RGL1: variants seen among roughly 807,000 people sequenced by gnomAD.
RGL1 encodes the protein ral guanine nucleotide dissociation stimulator-like 1.
RGL1 carries 24 observed loss-of-function variants against 95.2 expected under a neutral mutation model. The observed-to-expected ratio is 0.25, with a 90% CI of 0.18 to 0.35. RGL1 has a LOEUF of 0.35. Ranked by LOEUF, RGL1 falls within the 10% of genes least tolerant of loss-of-function variation. The pLI, the probability that RGL1 is intolerant of heterozygous loss-of-function variation, is 1.00. For missense variants in RGL1, 715 were observed against 936.3 expected (o/e 0.76, Z 3.08); for synonymous variants, 329 against 344.9 (o/e 0.95, Z 0.51).
chr1:183,727,951 A>G (rs779984702), intron 1 of RGL1, among the ~76,000 whole-genome samples: 92 of 152,174 alleles, frequency 6.0e-4, no homozygotes, highest in Admixed American at 2.0e-3. Flanking sequence ...GGGTATGTCT[A>G]TGAAAGTATT....
intron 14 of RGL1, among the ~76,000 whole-genome samples, chr1:183,907,389 C>T (rs1286343003): frequency 7.3e-6 from 1 of 137,320 alleles, no homozygotes; most frequent in Non-Finnish European, 1.6e-5. Context: ...CACTAAATAG[C>T]TAGGTTGTCT....
At chr1:183,902,516 T>A (rs1572578484) in intron 11 of RGL1, 52 bp from the exon 12 acceptor site, 1 of 1,506,292 alleles carries the variant, frequency 6.6e-7, no homozygotes, top group Admixed American at 1.9e-5. Flanking sequence ...AACATATGGC[T>A]GTGTTTTAAA....
At chr1:183,865,100 A>T (rs1404077490) in intron 3 of RGL1, among the ~76,000 whole-genome samples, 1 of 152,246 alleles carries the variant, frequency 6.6e-6, no homozygotes, top group African/African-American at 2.4e-5. Flanking sequence ...TAGTCTAGGC[A>T]TTATAAGTTA....
At chr1:183,701,477 A>G (rs1376806484) in intron 1 of RGL1, among the ~76,000 whole-genome samples, 1 of 152,184 alleles carries the variant, frequency 6.6e-6, no homozygotes, top group Non-Finnish European at 1.5e-5. Context: ...TGGTCTATCA[A>G]GAAAGGCTTG....
At chr1:183,674,657 C>T (rs574517956) in intron 1 of RGL1, among the ~76,000 whole-genome samples, 1 of 152,310 alleles carries the variant, frequency 6.6e-6, no homozygotes, top group East Asian at 1.9e-4. Context: ...GGTCTTCTGC[C>T]AGTGGAGTTA....
chr1:183,888,302 C>T (rs188599359), intron 7 of RGL1, among the ~76,000 whole-genome samples, 172 bp from the exon 8 acceptor site: 25 of 152,268 alleles, frequency 1.6e-4, no homozygotes, highest in Admixed American at 1.6e-3. Flanking sequence ...TAAAGTGTTT[C>T]GATGACTGGG....
chr1:183,872,116 A>G (rs1666216992), intron 4 of RGL1, among the ~76,000 whole-genome samples: 1 of 152,200 alleles, frequency 6.6e-6, no homozygotes, highest in Non-Finnish European at 1.5e-5. Flanking sequence ...TCCTGCTGAC[A>G]TTTTTACACG....
At chr1:183,861,089 A>T (rs942717087) in intron 3 of RGL1, among the ~76,000 whole-genome samples, 8 of 152,306 alleles carry the variant, frequency 5.3e-5, no homozygotes, top group African/African-American at 1.9e-4. Flanking sequence ...GTAGAATAGG[A>T]ATAAAAATAA....
At chr1:183,655,701 C>T (rs1651107358) in intron 1 of RGL1, among the ~76,000 whole-genome samples, 1 of 152,184 alleles carries the variant, frequency 6.6e-6, no homozygotes, top group South Asian at 2.1e-4. Flanking sequence ...AGAGAGCTTT[C>T]TGTAGGGCCA....
chr1:183,666,101 G>A (rs192564379), intron 1 of RGL1, among the ~76,000 whole-genome samples: 2 of 151,096 alleles, frequency 1.3e-5, no homozygotes, highest in African/African-American at 4.9e-5. Flanking sequence ...TGCCTCCTGG[G>A]TTCAAGTGAT....
At chr1:183,831,522 A>G (rs545033648) in intron 2 of RGL1, among the ~76,000 whole-genome samples, 18 of 152,336 alleles carry the variant, frequency 1.2e-4, no homozygotes, top group Non-Finnish European at 7.3e-5. Context: ...TTAAAAGATC[A>G]CCATGGATGC....
chr1:183,835,498 C>A (rs1480214114), intron 2 of RGL1, among the ~76,000 whole-genome samples: 1 of 152,196 alleles, frequency 6.6e-6, no homozygotes, highest in African/African-American at 2.4e-5. Context: ...CTTCTCCTGG[C>A]TTTCCTTGAG....
rs539754436 is a variant in RGL1, at chr1:183,832,208, T to C, written c.139-15358T>C. 1.3e-3 allele frequency among the ~76,000 whole-genome samples: 204 copies of C among 152,134 alleles called. 1 individual carries two copies. Among genetic ancestry groups the C allele is most frequent in the Admixed American group, 1.8e-3 (27 of 15,264 alleles). On this transcript the variant is annotated intron_variant, in intron 2 of 17. Coordinates refer to ENST00000360851, the MANE Select transcript of RGL1 (RefSeq NM_001297671.3). ...GAGGAATGAGAATGAAGTGGGACGA[T>C]ATAGGAGATGGAAGAGGTTGGATTT...
chr1:183,868,061 T>G (rs115407138), intron 4 of RGL1, among the ~76,000 whole-genome samples: 1 of 152,208 alleles, frequency 6.6e-6, no homozygotes, highest in Admixed American at 6.5e-5. Context: ...TTAGAAGGGC[T>G]TGGGGAAGGC....
intron 2 of RGL1, among the ~76,000 whole-genome samples, chr1:183,747,740 AT>A (rs1222560208): frequency 6.6e-6 from 1 of 152,166 alleles, no homozygotes; most frequent in African/African-American, 2.4e-5. Flanking sequence ...GTTTGCCAGT[AT>A]TTTATTGAGG....
At chr1:183,784,470 G>C (rs923359914) in intron 2 of RGL1, among the ~76,000 whole-genome samples, 3 of 152,220 alleles carry the variant, frequency 2.0e-5, no homozygotes, top group Non-Finnish European at 4.4e-5. Context: ...CAGCCCCAGA[G>C]GGACCAGGCA....
chr1:183,705,495 G>A (rs920187802), intron 1 of RGL1, among the ~76,000 whole-genome samples: 9 of 152,140 alleles, frequency 5.9e-5, no homozygotes, highest in African/African-American at 1.9e-4. Flanking sequence ...CAGAGGTCAC[G>A]AGCCAGGGCC....
intron 2 of RGL1, among the ~76,000 whole-genome samples, chr1:183,765,587 T>C (rs749512974): frequency 6.6e-6 from 1 of 152,228 alleles, no homozygotes; most frequent in Non-Finnish European, 1.5e-5. Flanking sequence ...TGCTTTATAT[T>C]AGGTTAGCAG....
At chr1:183,858,558 C>T (rs908269016) in intron 3 of RGL1, among the ~76,000 whole-genome samples, 3 of 152,118 alleles carry the variant, frequency 2.0e-5, no homozygotes, top group Admixed American at 2.0e-4. Context: ...ACTAAAATTA[C>T]GCTTCATGGT....
Sources: gnomAD v4.1 joint callset for allele counts (sites outside exome capture counted in the v4.1 genomes callset) on GRCh38, gnomAD v4.1.1 for gene constraint, MANE v1.5 for transcripts, NCBI Gene and HGNC (gene_info 2026-07-23, HGNC 2026-07-21) for gene names.